Variants in NOPCHAP1 observed in about 807,000 individuals in gnomAD.
NOPCHAP1 encodes the protein NOP protein chaperone 1.
A neutral mutation model predicts 14.0 loss-of-function variants in NOPCHAP1; 13 were observed. The observed-to-expected ratio is 0.93, with a 90% confidence interval of 0.60 to 1.47. The LOEUF (loss-of-function observed/expected upper bound fraction) is 1.47, where lower values mean the gene tolerates loss of function less well. Among genes scored for constraint, NOPCHAP1 ranks in the 40% most tolerant of loss-of-function variants. The probability of loss-of-function intolerance (pLI) is 0.00; values close to 1 mark genes in which losing one functional copy is unlikely to be tolerated. For missense variants in NOPCHAP1, 230 were observed against 226.9 expected (o/e 1.01, Z -0.09); for synonymous variants, 78 against 78.4 (o/e 1.00, Z 0.03).
Position 105,000,095 on chromosome 12 carries a change from A to G in NOPCHAP1, c.*5399A>G, listed in dbSNP as rs563671113. 67 of 152,242 alleles carry G rather than the reference A, an allele frequency of 4.4e-4. No individual in the cohort carries two copies. The highest frequency in any genetic ancestry group is 1.6e-3 in the African/African-American group (66 of 41,546). 9.4% of individuals were successfully genotyped at this position (152,242 alleles called of 1,614,324 possible). The stretch of plus-strand genomic sequence containing the variant: ...AAAAGCACCTTACTATATTTAATCC[A>G]ATGACATTATACAAATAATCACCGG... On this transcript the variant is annotated 3_prime_UTR_variant, in exon 4 of 4. Transcript: ENST00000552951.
rs1873684806 is a variant in NOPCHAP1 at position 105,005,253 on chromosome 12, A to C, written c.*10557A>C. 1 of 152,266 alleles carries C rather than the reference A, an allele frequency of 6.6e-6. No homozygotes were observed. The allele number at this position is 152,266 out of a possible 1,614,324, so 9.4% of individuals were successfully genotyped here. A position where few individuals can be genotyped will look rare whatever the true frequency, so the allele number is the denominator to read the frequency against. ...AAATCAATGAAAGGATGAAGCAACA[A>C]AAGCACAGATTTGTTGAAATGAAAG... On this transcript the variant is annotated 3_prime_UTR_variant, in exon 4 of 4. Coordinates refer to ENST00000552951, the MANE Select transcript of NOPCHAP1 (RefSeq NM_152318.3).
chr12:105,016,666 A>G lies in NOPCHAP1; in HGVS notation c.*21970A>G, dbSNP rs1031443782. On this transcript the variant is annotated 3_prime_UTR_variant, in exon 4 of 4. Transcript: ENST00000552951. ...AAAACCATCAGACCTGGTGAGACTT[A>G]TTCACATGAGAACAGCATAGGAAAG... 1 of 152,158 alleles carries G rather than the reference A, an allele frequency of 6.6e-6. No homozygotes were observed. Among genetic ancestry groups the G allele is most frequent in the Non-Finnish European group, 1.5e-5 (1 of 68,038 alleles). The allele number at this position is 152,158 out of a possible 1,614,324, so 9.4% of individuals were successfully genotyped here.
rs1302814990 is a variant in NOPCHAP1 at position 105,000,787 on chromosome 12, A to G, written c.*6091A>G. 1 of 151,986 alleles carries G rather than the reference A, an allele frequency of 6.6e-6. No homozygotes were observed. Among genetic ancestry groups the G allele is most frequent in the Non-Finnish European group, 1.5e-5 (1 of 68,002 alleles). 9.4% of individuals were successfully genotyped at this position (151,986 alleles called of 1,614,324 possible). A position where few individuals can be genotyped will look rare whatever the true frequency, so the allele number is the denominator to read the frequency against. ...TTGTCCTCCATTGATAGATCGTGAAAGGCTTTTTTTTTAACCTGGTGAAAA... is the reference window on the plus strand; with the variant it reads ...TTGTCCTCCATTGATAGATCGTGAAGGGCTTTTTTTTTAACCTGGTGAAAA... On this transcript the variant is annotated 3_prime_UTR_variant, in exon 4 of 4. Transcript: ENST00000552951.
At chr12:104,990,422 G>A (rs146636121) in intron 2 of NOPCHAP1, among the ~76,000 whole-genome samples, 76 of 152,322 alleles carry the variant, frequency 5.0e-4, no homozygotes, top group African/African-American at 1.7e-3. Flanking sequence ...TTCTCTTTCT[G>A]TAATCTGAAG....
In NOPCHAP1 at chr12:105,016,798, CAT is replaced by C. The variant is rs1337446978; in HGVS notation, c.*22105_*22106del. Reference sequence around the variant, plus strand: ...GATTTGGGTGGGGACACAGCCAAAACATATCAGTATGTTATGGCCTTATATAA... The same window carrying C: ...GATTTGGGTGGGGACACAGCCAAAACATCAGTATGTTATGGCCTTATATAA... On this transcript the variant is annotated 3_prime_UTR_variant, in exon 4 of 4. Coordinates refer to ENST00000552951, the MANE Select transcript of NOPCHAP1 (RefSeq NM_152318.3). The C allele has an allele frequency of 1.3e-5, 2 of 152,314 alleles. No individual in the cohort carries two copies. Among genetic ancestry groups the C allele is most frequent in the East Asian group, 3.9e-4 (2 of 5,182 alleles). The allele number at this position is 152,314 out of a possible 1,614,324, so 9.4% of individuals were successfully genotyped here.
chr12:105,005,929 T>C lies in NOPCHAP1; in HGVS notation c.*11233T>C, dbSNP rs1182366292. On this transcript the variant is annotated 3_prime_UTR_variant, in exon 4 of 4. Coordinates refer to ENST00000552951, the MANE Select transcript of NOPCHAP1 (RefSeq NM_152318.3). ...CTAATGTCAATGTGTTTTCTGATAC[T>C]GATGCTTCTCCATCTTCCTCATCGT... is the stretch of plus-strand genomic sequence containing the variant. 2 of 152,284 alleles carry C rather than the reference T, an allele frequency of 1.3e-5. No individual in the cohort carries two copies. The highest frequency in any genetic ancestry group is 2.9e-5 in the Non-Finnish European group (2 of 68,050). The allele number at this position is 152,284 out of a possible 1,614,324, so 9.4% of individuals were successfully genotyped here. A position where few individuals can be genotyped will look rare whatever the true frequency, so the allele number is the denominator to read the frequency against.
At chr12:104,986,747 C>T (rs1481751406) in intron 1 of NOPCHAP1, among the ~76,000 whole-genome samples, 1 of 152,222 alleles carries the variant, frequency 6.6e-6, no homozygotes, top group Non-Finnish European at 1.5e-5. Context: ...TGCCAGGCAT[C>T]TGCCCTGCCC....
chr12:105,000,731 A>G lies in NOPCHAP1; in HGVS notation c.*6035A>G, dbSNP rs1029706582. 41 of 152,012 alleles carry G rather than the reference A, an allele frequency of 2.7e-4. No individual in the cohort carries two copies. Among genetic ancestry groups the G allele is most frequent in the African/African-American group, 9.2e-4 (38 of 41,376 alleles). The allele number at this position is 152,012 out of a possible 1,614,324, so 9.4% of individuals were successfully genotyped here. Reference sequence around the variant, plus strand: ...ACTGATGTTGTTTTCAGAAGACCCAATCTCCATGTTCCAGATTGTGAAATG... The same window carrying G: ...ACTGATGTTGTTTTCAGAAGACCCAGTCTCCATGTTCCAGATTGTGAAATG... On this transcript the variant is annotated 3_prime_UTR_variant, in exon 4 of 4. Coordinates refer to ENST00000552951, the MANE Select transcript of NOPCHAP1 (RefSeq NM_152318.3).
In NOPCHAP1 at chr12:105,005,547, GA is replaced by G. The variant is rs1394270228; in HGVS notation, c.*10852del. 6.6e-6 allele frequency: 1 copy of G among 152,236 alleles called. No homozygotes were observed. Among genetic ancestry groups the G allele is most frequent in the African/African-American group, 2.4e-5 (1 of 41,464 alleles). The allele number at this position is 152,236 out of a possible 1,614,324, so 9.4% of individuals were successfully genotyped here. On this transcript the variant is annotated 3_prime_UTR_variant, in exon 4 of 4. Transcript: ENST00000552951. ...TTACAAAGTTGTAACCCTGCGCAAA[GA>G]CTAGGCTTGTGACCAGTCTGATTGG...
rs1010976417 is a variant in NOPCHAP1 at position 104,986,584 on chromosome 12, C to T, written c.115+117C>T. 13 of 821,346 alleles carry T rather than the reference C, an allele frequency of 1.6e-5. No homozygotes were observed. The East Asian group carries it at 1.6e-4, about 10-fold the overall frequency. 50.9% of individuals were successfully genotyped at this position (821,346 alleles called of 1,614,324 possible). A position where few individuals can be genotyped will look rare whatever the true frequency, so the allele number is the denominator to read the frequency against. Reference sequence around the variant, plus strand: ...CCGGGCTCCGTACCCTCGAGGGGAGCCCCGGGGACTGCTGCGGGGCTCCGG... The same window carrying T: ...CCGGGCTCCGTACCCTCGAGGGGAGTCCCGGGGACTGCTGCGGGGCTCCGG... On this transcript the variant is annotated intron_variant, in intron 1 of 3. Transcript: ENST00000552951.
intron 3 of NOPCHAP1, among the ~76,000 whole-genome samples, chr12:104,992,980 G>A (rs564990843): frequency 9.9e-4 from 150 of 152,244 alleles, no homozygotes; most frequent in African/African-American, 3.3e-3. Flanking sequence ...TCCAGCACCA[G>A]TCTCACTGCA....
In NOPCHAP1 at chr12:104,996,026, G is replaced by C. The variant is rs1344532482; in HGVS notation, c.*1330G>C. The C allele has an allele frequency of 6.6e-6, 1 of 152,042 alleles. No homozygotes were observed. Among genetic ancestry groups the C allele is most frequent in the African/African-American group, 2.4e-5 (1 of 41,382 alleles). The allele number at this position is 152,042 out of a possible 1,614,324, so 9.4% of individuals were successfully genotyped here. On this transcript the variant is annotated 3_prime_UTR_variant, in exon 4 of 4. Coordinates refer to ENST00000552951, the MANE Select transcript of NOPCHAP1 (RefSeq NM_152318.3). ...TCTTTATTTTCTTCATCTATTCCAA[G>C]GTTGGTGCAAATTTCAATTGCTGAC...
In NOPCHAP1 at chr12:105,008,259, A is replaced by C. The variant is rs1259044494; in HGVS notation, c.*13563A>C. The C allele has an allele frequency of 6.6e-6, 1 of 152,012 alleles. No individual in the cohort carries two copies. Among genetic ancestry groups the C allele is most frequent in the Non-Finnish European group, 1.5e-5 (1 of 67,992 alleles). 9.4% of individuals were successfully genotyped at this position (152,012 alleles called of 1,614,324 possible). On this transcript the variant is annotated 3_prime_UTR_variant, in exon 4 of 4. Transcript: ENST00000552951. ...TAACCAGTGATGATGAGCTTTTTTC[A>C]TGTTTGTTGGCCGCATAAATGTCTT...
In NOPCHAP1 at chr12:105,016,493, G is replaced by A. The variant is rs2136035618; in HGVS notation, c.*21797G>A. On this transcript the variant is annotated 3_prime_UTR_variant, in exon 4 of 4. Coordinates refer to ENST00000552951, the MANE Select transcript of NOPCHAP1 (RefSeq NM_152318.3). ...CTAATAAAGACATACCCGAGACTGG[G>A]TAATTTATAAAGGAAAGGAGGTTTA... 6.5e-6 allele frequency: 1 copy of A among 152,994 alleles called. No individual in the cohort carries two copies. Among genetic ancestry groups the A allele is most frequent in the South Asian group, 2.1e-4 (1 of 4,842 alleles). 9.5% of individuals were successfully genotyped at this position (152,994 alleles called of 1,614,324 possible).
Position 105,017,413 on chromosome 12 carries a change from C to T in NOPCHAP1, c.*22717C>T, listed in dbSNP as rs543654956. The T allele has an allele frequency of 1.7e-3, 254 of 147,040 alleles. No homozygotes were observed. The highest frequency in any genetic ancestry group is 2.8e-3 in the Non-Finnish European group (190 of 67,390). 9.1% of individuals were successfully genotyped at this position (147,040 alleles called of 1,614,324 possible). A position where few individuals can be genotyped will look rare whatever the true frequency, so the allele number is the denominator to read the frequency against. On this transcript the variant is annotated 3_prime_UTR_variant, in exon 4 of 4. Coordinates refer to ENST00000552951, the MANE Select transcript of NOPCHAP1 (RefSeq NM_152318.3). The stretch of plus-strand genomic sequence containing the variant: ...ACTTGGGAGGCTGAGGCAGGAGAAT[C>T]GCTTGAACCCAGGAGGTGGAGGTTG...
At chr12:104,991,645 T>C (rs1157934903) in intron 2 of NOPCHAP1, 67 bp from the exon 3 acceptor site, 2 of 1,454,920 alleles carry the variant, frequency 1.4e-6, no homozygotes, top group South Asian at 2.7e-5. Flanking sequence ...CAGAAGTGTT[T>C]ATAGGAAATC....
chr12:104,991,909 A>G lies in NOPCHAP1; in HGVS notation c.339+61A>G, dbSNP rs1265343085. 12 of 1,517,374 alleles carry G rather than the reference A, an allele frequency of 7.9e-6. No homozygotes were observed. In the East Asian group the frequency reaches 2.8e-4, roughly 35 times the overall value. The allele number at this position is 1,517,374 out of a possible 1,614,324, so 94.0% of individuals were successfully genotyped here. A position where few individuals can be genotyped will look rare whatever the true frequency, so the allele number is the denominator to read the frequency against. On this transcript the variant is annotated intron_variant, in intron 3 of 3. Transcript: ENST00000552951. ...GGTCTGCCTGTCACCTAAGAAGAAG[A>G]GAACTTTTCCATTTTATTTTCAAGT...
rs968094327 is a variant in NOPCHAP1, at chr12:105,000,571, G to A, written c.*5875G>A. ...ACATAGTTATCATGATGACAGAGAAGAGAACTCTTGATCCATGATCAAATT... is the reference window on the plus strand; with the variant it reads ...ACATAGTTATCATGATGACAGAGAAAAGAACTCTTGATCCATGATCAAATT... On this transcript the variant is annotated 3_prime_UTR_variant, in exon 4 of 4. Coordinates refer to ENST00000552951, the MANE Select transcript of NOPCHAP1 (RefSeq NM_152318.3). 1 of 152,098 alleles carries A rather than the reference G, an allele frequency of 6.6e-6. No homozygotes were observed. The highest frequency in any genetic ancestry group is 2.4e-5 in the African/African-American group (1 of 41,420). 9.4% of individuals were successfully genotyped at this position (152,098 alleles called of 1,614,324 possible).
chr12:104,986,328 C>A lies in NOPCHAP1; in HGVS notation c.-25C>A. 1 of 1,582,042 alleles carries A rather than the reference C, an allele frequency of 6.3e-7. No individual in the cohort carries two copies. Among genetic ancestry groups the A allele is most frequent in the Non-Finnish European group, 8.6e-7 (1 of 1,161,476 alleles). ...CCGAGCCTTTTTCCTGCATCCGGGCCTGAGAGTGCAGGCTTGAGGGAAGCA... is the reference window on the plus strand; with the variant it reads ...CCGAGCCTTTTTCCTGCATCCGGGCATGAGAGTGCAGGCTTGAGGGAAGCA... On this transcript the variant is annotated 5_prime_UTR_variant, in exon 1 of 4. It adds an upstream start codon to the 5' untranslated region. Transcript: ENST00000552951.
Sources: allele counts gnomAD v4.1 joint callset (sites outside exome capture counted in the v4.1 genomes callset), GRCh38; gene constraint gnomAD v4.1.1; transcripts MANE v1.5; gene names NCBI Gene and HGNC (gene_info 2026-07-23, HGNC 2026-07-21).